EML1: variants seen among roughly 807,000 people sequenced by gnomAD.
EML1 encodes EMAP like 1.
Under a neutral mutation model 110.4 loss-of-function variants are expected in EML1, and 27 were observed. The ratio of observed to expected loss-of-function variants is 0.24; its 90% CI spans 0.18 to 0.34. EML1 has a LOEUF of 0.34. Among genes scored for constraint, EML1 ranks in the 10% least tolerant of loss-of-function variants. The pLI, the probability that EML1 is intolerant of heterozygous loss-of-function variation, is 1.00. For missense variants in EML1, 741 were observed against 1,030.9 expected, an observed-to-expected ratio of 0.72 and a Z score of 3.85; for synonymous variants, 344 against 385.8, an observed-to-expected ratio of 0.89 and a Z score of 1.27.
chr14:99,873,610 G>C (rs2139915810), intron 3 of EML1, among the ~76,000 whole-genome samples: 1 of 152,284 alleles, frequency 6.6e-6, no homozygotes, highest in South Asian at 2.1e-4. Context: ...AAGTGATATG[G>C]TTCTCCCCAC....
At chr14:99,843,157 GATAGGA>G (rs1288204680) in intron 1 of EML1, among the ~76,000 whole-genome samples, 1 of 152,164 alleles carries the variant, frequency 6.6e-6, no homozygotes, top group Non-Finnish European at 1.5e-5. Flanking sequence ...GGGAGGCTGA[GATAGGA>G]GGATTGTTTG....
chr14:99,920,182 C>G (rs1566938199), intron 16 of EML1, among the ~76,000 whole-genome samples: 1 of 152,196 alleles, frequency 6.6e-6, no homozygotes, highest in Non-Finnish European at 1.5e-5. Flanking sequence ...CTGGGCTCTT[C>G]TCCCCATCTC....
intron 1 of EML1, among the ~76,000 whole-genome samples, chr14:99,797,097 A>G (rs1197542402): frequency 6.6e-6 from 1 of 152,202 alleles, no homozygotes; most frequent in Non-Finnish European, 1.5e-5. Context: ...AGTACCTACT[A>G]GCAGTCACTC....
At chr14:99,771,057 T>C (rs2057423282), upstream of EML1, among the ~76,000 whole-genome samples, 6 of 152,162 alleles carry the variant, frequency 3.9e-5, no homozygotes, top group South Asian at 1.2e-3. Context: ...GTGCTGGGAT[T>C]ACAGGCGTGA....
intron 1 of EML1, among the ~76,000 whole-genome samples, chr14:99,805,062 G>A (rs551364972): frequency 7.2e-5 from 11 of 152,236 alleles, no homozygotes; most frequent in South Asian, 2.1e-4. Flanking sequence ...TCACGGAGCC[G>A]CTCCCTTGTC....
intron 1 of EML1, among the ~76,000 whole-genome samples, chr14:99,812,366 G>C (rs138377940): frequency 6.6e-6 from 1 of 151,794 alleles, no homozygotes; most frequent in Non-Finnish European, 1.5e-5. Flanking sequence ...ACTGAGAAAG[G>C]AAGTCAGCCA....
chr14:99,799,864 G>A (rs1347352752), intron 1 of EML1, among the ~76,000 whole-genome samples: 2 of 152,124 alleles, frequency 1.3e-5, no homozygotes, highest in African/African-American at 2.4e-5. Context: ...AACTAGTAGC[G>A]TGAAAACCTT....
intron 17 of EML1, among the ~76,000 whole-genome samples, chr14:99,929,624 A>C (rs999569987): frequency 6.6e-6 from 1 of 152,254 alleles, no homozygotes; most frequent in African/African-American, 2.4e-5. Context: ...TTCTGGTTAC[A>C]CAAGATTTTT....
chr14:99,922,182 A>C (rs8012778), intron 17 of EML1, among the ~76,000 whole-genome samples: 1 of 151,528 alleles, frequency 6.6e-6, no homozygotes, highest in Non-Finnish European at 1.5e-5. Context: ...TTTTTGAGAC[A>C]GAGCCTCACT....
At chr14:99,826,182 G>A (rs535759789) in intron 1 of EML1, among the ~76,000 whole-genome samples, 1 of 143,060 alleles carries the variant, frequency 7.0e-6, no homozygotes. Flanking sequence ...GCGTGATCTC[G>A]GCTCACTGCA....
In EML1 at chr14:99,788,355, G is replaced by A. The variant is rs148351722; in HGVS notation, c.-27+14342G>A. Among the ~76,000 whole-genome samples, 41 of 152,330 alleles carry A rather than the reference G, an allele frequency of 2.7e-4. No homozygotes were observed. In the East Asian group the frequency reaches 7.5e-3, roughly 28 times the overall value. ...CTCAGCACATGTAGGTACATTGTAA[G>A]TAAATACCAATGTTTCCAGCACAAA... On this transcript the variant is annotated intron_variant, in intron 1 of 22. Coordinates refer to the EML1 transcript ENST00000327921.
chr14:99,910,393 A>G lies in EML1; in HGVS notation c.1339+52A>G, dbSNP rs774863731. On this transcript the variant is annotated intron_variant, in intron 12 of 21. Coordinates refer to ENST00000262233, the MANE Select transcript of EML1 (RefSeq NM_004434.3). ...ATGGTTTTTGGTAATGTTGTAAGAG[A>G]TCAAACATGAGTGCTTTAAGAATTG... is the stretch of plus-strand genomic sequence containing the variant. 4 of 1,403,508 alleles carry G rather than the reference A, an allele frequency of 2.8e-6. No individual in the cohort carries two copies. The South Asian group carries it at 4.9e-5, about 17-fold the overall frequency. The allele number at this position is 1,403,508 out of a possible 1,614,324, so 86.9% of individuals were successfully genotyped here. A position where few individuals can be genotyped will look rare whatever the true frequency, so the allele number is the denominator to read the frequency against.
At chr14:99,851,366 G>A (rs1250826114) in intron 2 of EML1, among the ~76,000 whole-genome samples, 1 of 151,796 alleles carries the variant, frequency 6.6e-6, no homozygotes, top group Non-Finnish European at 1.5e-5. Context: ...AGAGTGCAGT[G>A]GCGCGATCTG....
At chr14:99,929,237 C>T (rs962716476) in intron 17 of EML1, among the ~76,000 whole-genome samples, 1 of 152,216 alleles carries the variant, frequency 6.6e-6, no homozygotes, top group Non-Finnish European at 1.5e-5. Context: ...GCCGGGCCAA[C>T]CGCATTTGAA....
upstream of EML1, chr14:99,793,314 G>A: frequency 4.1e-6 from 4 of 980,028 alleles, no homozygotes; most frequent in Non-Finnish European, 4.8e-6. Flanking sequence ...CGGCTGCGGC[G>A]GCGGCGGCGG....
chr14:99,830,484 G>A (rs1411483402), intron 1 of EML1, among the ~76,000 whole-genome samples: 1 of 151,964 alleles, frequency 6.6e-6, no homozygotes, highest in Admixed American at 6.6e-5. Flanking sequence ...TTTAATCATC[G>A]TTTCCTCTTC....
chr14:99,796,186 CAGAGAGAGAGAG>C lies in EML1; in HGVS notation c.67+2677_67+2688del, dbSNP rs57818494. ...TGGGTGACAAAGTGAGACCCTGTCT[CAGAGAGAGAGAG>C]AGAGAGAGAGAGAGAGAGAGAGAGA... On this transcript the variant is annotated intron_variant, in intron 1 of 21. Coordinates refer to ENST00000262233, the MANE Select transcript of EML1 (RefSeq NM_004434.3). Among the ~76,000 whole-genome samples the C allele has an allele frequency of 6.7e-3, 796 of 119,298 alleles. 13 individuals are homozygous for C. Among genetic ancestry groups the C allele is most frequent in the African/African-American group, 0.019 (614 of 32,316 alleles). 78.3% of individuals were successfully genotyped at this position (119,298 alleles called of 152,430 possible).
chr14:99,753,867 T>TC (rs1333493986), intron 1 of EML1, among the ~76,000 whole-genome samples: 1 of 152,130 alleles, frequency 6.6e-6, no homozygotes, highest in African/African-American at 2.4e-5. Flanking sequence ...GGTATTATCA[T>TC]CCCCAGTGTA....
rs577372887 is a variant in EML1, at chr14:99,906,359, G to T, written c.1009-1279G>T. On this transcript the variant is annotated intron_variant, in intron 9 of 21. Transcript: ENST00000262233. ...AGACAGAGCAGCCCCGAGGGCTGCT[G>T]GTTGCCTATTTCCATGGTTATTTCT... Among the ~76,000 whole-genome samples, 12 of 152,338 alleles carry T rather than the reference G, an allele frequency of 7.9e-5. No homozygotes were observed. In the East Asian group the frequency reaches 2.1e-3, roughly 27 times the overall value.
Sources: gnomAD v4.1 joint callset for allele counts (sites outside exome capture counted in the v4.1 genomes callset) on GRCh38, gnomAD v4.1.1 for gene constraint, MANE v1.5 for transcripts, NCBI Gene and HGNC (gene_info 2026-07-23, HGNC 2026-07-21) for gene names.